Variants in FSTL5 observed in about 807,000 individuals in gnomAD.
FSTL5 encodes follistatin like 5.
In FSTL5, 62 loss-of-function variants were observed where a neutral mutation model predicts 89.1. That is an observed-to-expected ratio of 0.70 (90% CI 0.57 to 0.86). FSTL5 has a LOEUF of 0.86. Among genes scored for constraint, FSTL5 ranks in the 40% least tolerant of loss-of-function variants. FSTL5 has a pLI of 0.00. For missense variants in FSTL5, 1,057 were observed against 1,001.6 expected (o/e 1.06, Z -0.75); for synonymous variants, 383 against 346.2 (o/e 1.11, Z -1.18).
chr4:161,607,885 A>G (rs1012668475), intron 7 of FSTL5, among the ~76,000 whole-genome samples: 3 of 152,132 alleles, frequency 2.0e-5, no homozygotes, highest in Non-Finnish European at 4.4e-5. Context: ...AAATTCTATA[A>G]CCACATGTGC....
chr4:162,143,991 TA>T (rs1732870819), intron 1 of FSTL5, among the ~76,000 whole-genome samples: 1 of 152,018 alleles, frequency 6.6e-6, no homozygotes, highest in African/African-American at 2.4e-5. Flanking sequence ...AAGCTCAAGA[TA>T]TTGAACCTCG....
chr4:161,806,737 G>A (rs1729978748), intron 4 of FSTL5, among the ~76,000 whole-genome samples: 1 of 152,020 alleles, frequency 6.6e-6, no homozygotes, highest in African/African-American at 2.4e-5. Context: ...GAATTGTTAA[G>A]AAATTAAAAT....
intron 10 of FSTL5, among the ~76,000 whole-genome samples, chr4:161,536,619 G>T (rs1343745872): frequency 6.6e-6 from 1 of 151,928 alleles, no homozygotes; most frequent in South Asian, 2.1e-4. Flanking sequence ...TTTTAAATGG[G>T]CACTTTTACT....
chr4:161,700,166 C>A (rs1028219700), intron 6 of FSTL5, among the ~76,000 whole-genome samples: 3 of 152,234 alleles, frequency 2.0e-5, no homozygotes, highest in South Asian at 2.1e-4. Context: ...ATCAATATAT[C>A]TAATGCTTAA....
At chr4:162,053,056 T>C (rs1300197470) in intron 2 of FSTL5, among the ~76,000 whole-genome samples, 3 of 151,798 alleles carry the variant, frequency 2.0e-5, no homozygotes, top group Non-Finnish European at 4.4e-5. Flanking sequence ...TAGTTACAAA[T>C]GAAGTAAAAA....
chr4:161,521,850 AAAAAAAAAAAAAAAG>A (rs1731042714), intron 10 of FSTL5, among the ~76,000 whole-genome samples: 2 of 129,968 alleles, frequency 1.5e-5, no homozygotes, highest in Admixed American at 1.6e-4. Flanking sequence ...CTCCACCTCA[AAAAAAAAAAAAAAAG>A]AAAAAAAAAG....
intron 8 of FSTL5, among the ~76,000 whole-genome samples, chr4:161,552,841 T>A (rs1732262615): frequency 1.3e-5 from 2 of 151,774 alleles, no homozygotes; most frequent in South Asian, 4.1e-4. Context: ...AGGATACATA[T>A]TATGAAATAT....
chr4:161,547,114 G>A (rs549303090), intron 8 of FSTL5, among the ~76,000 whole-genome samples: 45 of 152,132 alleles, frequency 3.0e-4, no homozygotes, highest in South Asian at 8.3e-4. Flanking sequence ...GCAGAGAGAG[G>A]CCCCATGACA....
chr4:161,660,644 G>T (rs1736673309), intron 6 of FSTL5, among the ~76,000 whole-genome samples: 1 of 151,770 alleles, frequency 6.6e-6, no homozygotes, highest in Non-Finnish European at 1.5e-5. Flanking sequence ...GCTCTAATAG[G>T]CTCCAGTGTG....
chr4:161,611,305 G>T (rs951812402), intron 7 of FSTL5, among the ~76,000 whole-genome samples: 1 of 141,274 alleles, frequency 7.1e-6, no homozygotes, highest in Non-Finnish European at 1.5e-5. Flanking sequence ...CATTTATTAC[G>T]TAAAGGACTG....
At chr4:161,442,148 T>TA (rs1329703203) in intron 15 of FSTL5, among the ~76,000 whole-genome samples, 1 of 5,728 alleles carries the variant, frequency 1.7e-4, no homozygotes, top group Non-Finnish European at 9.0e-4. Context: ...CTATAAAAGG[T>TA]TTTTTTTTTT....
At chr4:161,515,623 T>C (rs1730797120) in intron 10 of FSTL5, among the ~76,000 whole-genome samples, 1 of 151,492 alleles carries the variant, frequency 6.6e-6, no homozygotes, top group African/African-American at 2.4e-5. Flanking sequence ...TATTCATTTG[T>C]TATAACATGC....
rs878969927 is a variant in FSTL5 at position 162,156,769 on chromosome 4, G to C, written c.-17+6846C>G. 2.0e-5 allele frequency among the ~76,000 whole-genome samples: 3 copies of C among 152,186 alleles called. No individual in the cohort carries two copies. In the South Asian group the frequency reaches 6.2e-4, roughly 32 times the overall value. Reference sequence around the variant, plus strand: ...GTGGAGAGGCGGGAGGGAGGCAAAGGCTGAAAAACTAATTATTGGGTATTA... The same window carrying C: ...GTGGAGAGGCGGGAGGGAGGCAAAGCCTGAAAAACTAATTATTGGGTATTA... On this transcript the variant is annotated intron_variant, in intron 1 of 15. Coordinates refer to ENST00000306100, the MANE Select transcript of FSTL5 (RefSeq NM_020116.5).
intron 2 of FSTL5, among the ~76,000 whole-genome samples, chr4:162,066,590 C>A (rs113643225): frequency 0.1 from 14,378 of 141,900 alleles, 412 homozygotes; most frequent in Middle Eastern, 0.12. Context: ...CTTGCCCCCC[C>A]ACCCCCTGAC....
intron 7 of FSTL5, among the ~76,000 whole-genome samples, chr4:161,634,393 T>G (rs574357889): frequency 8.5e-5 from 13 of 152,344 alleles, no homozygotes; most frequent in Admixed American, 8.5e-4. Flanking sequence ...ACTGAATTTG[T>G]ATCCTAAGGA....
At chr4:161,770,746 T>C (rs1244487016) in intron 5 of FSTL5, among the ~76,000 whole-genome samples, 2 of 151,920 alleles carry the variant, frequency 1.3e-5, no homozygotes, top group African/African-American at 4.8e-5. Flanking sequence ...AATTGTAATG[T>C]AATATTTATT....
At chr4:161,574,153 C>T (rs1330303507) in intron 8 of FSTL5, among the ~76,000 whole-genome samples, 1 of 152,100 alleles carries the variant, frequency 6.6e-6, no homozygotes, top group Non-Finnish European at 1.5e-5. Flanking sequence ...ACCTGGATAA[C>T]TTTCCTATCT....
At chr4:161,872,086 C>G (rs1732280629) in intron 4 of FSTL5, among the ~76,000 whole-genome samples, 1 of 145,588 alleles carries the variant, frequency 6.9e-6, no homozygotes, top group South Asian at 2.2e-4. Context: ...GTAGCTGGGA[C>G]TATAGGCACA....
intron 7 of FSTL5, among the ~76,000 whole-genome samples, chr4:161,608,306 C>T (rs978310218): frequency 1.3e-5 from 2 of 152,044 alleles, no homozygotes; most frequent in African/African-American, 4.8e-5. Flanking sequence ...TTTAAAGTAA[C>T]AAGGGGTGCC....
Sources: gnomAD v4.1 joint callset for allele counts (sites outside exome capture counted in the v4.1 genomes callset) on GRCh38, gnomAD v4.1.1 for gene constraint, MANE v1.5 for transcripts, NCBI Gene and HGNC (gene_info 2026-07-23, HGNC 2026-07-21) for gene names.